The following JAK2 variants were observed in gnomAD, a reference collection of about 807,000 sequenced individuals.
JAK2 encodes the protein Janus kinase 2.
A neutral mutation model predicts 139.3 loss-of-function variants in JAK2; 86 were observed. The observed-to-expected ratio is 0.62, with a 90% CI of 0.52 to 0.74. The LOEUF is 0.74. JAK2 is among the 30% of genes least tolerant of loss of function. JAK2 has a pLI of 0.00. For synonymous variants in JAK2, 490 were observed against 437.7 expected, an observed-to-expected ratio of 1.12 and a Z score of -1.49; for missense variants, 1,421 against 1,360.3, an observed-to-expected ratio of 1.04 and a Z score of -0.70.
intron 2 of JAK2, among the ~76,000 whole-genome samples, chr9:4,986,973 C>T (rs901340270): frequency 3.9e-5 from 6 of 152,172 alleles, no homozygotes; most frequent in African/African-American, 1.2e-4. Context: ...ACACCCAGAA[C>T]ATTTGAAGAT....
chr9:5,091,763 G>A (rs913703789), intron 22 of JAK2, among the ~76,000 whole-genome samples: 4 of 152,058 alleles, frequency 2.6e-5, no homozygotes, highest in African/African-American at 7.2e-5. Flanking sequence ...GGCTTAAGTC[G>A]GGGGGCTGAA....
At chr9:5,039,818 T>C (rs958464110) in intron 4 of JAK2, among the ~76,000 whole-genome samples, 1 of 152,080 alleles carries the variant, frequency 6.6e-6, no homozygotes, top group African/African-American at 2.4e-5. Flanking sequence ...TGAAAGAAAT[T>C]AAGGAAACAC....
At chr9:5,047,470 C>G (rs1276844072) in intron 5 of JAK2, among the ~76,000 whole-genome samples, 1 of 152,178 alleles carries the variant, frequency 6.6e-6, no homozygotes, top group East Asian at 1.9e-4. Flanking sequence ...AAACTGCTGA[C>G]ATGTGAACAA....
intron 22 of JAK2, among the ~76,000 whole-genome samples, chr9:5,101,785 T>G (rs1035914933): frequency 5.3e-5 from 8 of 152,104 alleles, no homozygotes; most frequent in Admixed American, 4.6e-4. Flanking sequence ...TCCAGCAAAC[T>G]CCAAGAGACC....
At chr9:4,993,097 C>A (rs934197837) in intron 2 of JAK2, among the ~76,000 whole-genome samples, 15 of 152,296 alleles carry the variant, frequency 9.8e-5, no homozygotes, top group Non-Finnish European at 2.1e-4. Flanking sequence ...CAAGCTAATA[C>A]AACTCCTTTA....
intron 6 of JAK2, among the ~76,000 whole-genome samples, chr9:5,052,900 T>C (rs1817519001): frequency 6.6e-6 from 1 of 152,126 alleles, no homozygotes; most frequent in African/African-American, 2.4e-5. Context: ...CTTCACTTGA[T>C]GAAAATGTGG....
intron 22 of JAK2, among the ~76,000 whole-genome samples, chr9:5,092,031 G>T (rs1820620285): frequency 6.6e-6 from 1 of 152,044 alleles, no homozygotes; most frequent in South Asian, 2.1e-4. Context: ...ATTCGGAGAG[G>T]ATTATCATTA....
chr9:5,058,901 T>C (rs1817965899), intron 8 of JAK2, among the ~76,000 whole-genome samples: 1 of 152,230 alleles, frequency 6.6e-6, no homozygotes, highest in South Asian at 2.1e-4. Flanking sequence ...TGCTGAATTA[T>C]AGAAATTATT....
chr9:5,068,158 C>G (rs1288161085), intron 10 of JAK2, among the ~76,000 whole-genome samples: 1 of 77,534 alleles, frequency 1.3e-5, no homozygotes, highest in Non-Finnish European at 2.5e-5. Context: ...GACACGGTCT[C>G]AAAAAAAAAC....
intron 22 of JAK2, among the ~76,000 whole-genome samples, chr9:5,121,737 TTTC>T (rs1398319021): frequency 1.1e-4 from 17 of 152,298 alleles, no homozygotes; most frequent in Middle Eastern, 3.4e-3. Context: ...AGGAGGAGTC[TTTC>T]TTCTTATTTT....
At chr9:5,039,568 T>A (rs1466165179) in intron 4 of JAK2, among the ~76,000 whole-genome samples, 1 of 152,114 alleles carries the variant, frequency 6.6e-6, no homozygotes, top group Non-Finnish European at 1.5e-5. Flanking sequence ...ACAGATTACA[T>A]GATCTTGCAT....
chr9:5,093,724 T>G (rs2130701354), intron 22 of JAK2, among the ~76,000 whole-genome samples: 1 of 152,238 alleles, frequency 6.6e-6, no homozygotes, highest in East Asian at 1.9e-4. Flanking sequence ...ACAGAACAAG[T>G]TACCCTAGGG....
intron 5 of JAK2, among the ~76,000 whole-genome samples, chr9:5,049,916 A>G (rs535547601): frequency 6.6e-6 from 1 of 152,224 alleles, no homozygotes; most frequent in African/African-American, 2.4e-5. Flanking sequence ...GTAGTTAAAC[A>G]TATCTAAACA....
At chr9:5,117,316 C>T (rs113262192) in intron 22 of JAK2, among the ~76,000 whole-genome samples, 1 of 152,128 alleles carries the variant, frequency 6.6e-6, no homozygotes, top group Non-Finnish European at 1.5e-5. Context: ...GTAGACAGTG[C>T]GTAAGGTGGG....
chr9:5,126,303 C>CA (rs1411836907), intron 23 of JAK2, 30 bp from the exon 24 acceptor site: 2 of 1,477,882 alleles, frequency 1.4e-6, no homozygotes, highest in Non-Finnish European at 1.9e-6. Context: ...ATTAAATGTA[C>CA]AAAAAATATT....
intron 22 of JAK2, among the ~76,000 whole-genome samples, chr9:5,095,478 G>A (rs886562006): frequency 6.6e-6 from 1 of 151,904 alleles, no homozygotes; most frequent in African/African-American, 2.4e-5. Context: ...CCGGGCAATG[G>A]ACAATAATAA....
chr9:5,012,198 C>G (rs1187229752), intron 2 of JAK2, among the ~76,000 whole-genome samples: 1 of 152,156 alleles, frequency 6.6e-6, no homozygotes, highest in East Asian at 1.9e-4. Context: ...GCTCTGTCCC[C>G]TCCTCTGGCC....
At position 5,044,426 on chromosome 9, in the gene JAK2, G is replaced by A; in HGVS notation, c.374G>A (p.Cys125Tyr). The A allele has an allele frequency of 6.2e-7, 1 of 1,611,748 alleles. No individual in the cohort carries two copies. The highest frequency in any genetic ancestry group is 1.1e-5 in the South Asian group (1 of 90,770). Residue 125 changes from cysteine to tyrosine, a missense_variant, in exon 5 of 25, where the codon TGC becomes TAC. Physicochemically the swap from Cys to Tyr is radical, Grantham distance 194. Transcript: ENST00000381652. ...AGATTTTACTTTCCTCGTTGGTATTGCAGTGGCAGCAACAGAGCCTATCGG... is the reference window on the plus strand; with the variant it reads ...AGATTTTACTTTCCTCGTTGGTATTACAGTGGCAGCAACAGAGCCTATCGG... ...RIRFYFPRWY[C>Y]SGSNRAYRHG...
intron 2 of JAK2, among the ~76,000 whole-genome samples, chr9:5,011,514 T>G (rs1247676037): frequency 6.6e-6 from 1 of 152,236 alleles, no homozygotes; most frequent in African/African-American, 2.4e-5. Context: ...TTGTAGAGTT[T>G]ACATATGGCT....
Sources: gnomAD v4.1 joint callset for allele counts (sites outside exome capture counted in the v4.1 genomes callset) on GRCh38, gnomAD v4.1.1 for gene constraint, MANE v1.5 for transcripts, NCBI Gene and HGNC (gene_info 2026-07-23, HGNC 2026-07-21) for gene names.